Variants in LOC400499 observed in about 807,000 individuals in gnomAD.
the LOC400499 span, among the ~76,000 whole-genome samples, chr16:11,417,434 T>C: frequency 5.3e-5 from 8 of 152,062 alleles, no homozygotes; most frequent in Admixed American, 2.0e-4. Flanking sequence ...GACTTTGTTG[T>C]GGAAGTCCTA....
chr16:11,431,079 C>A, the LOC400499 span: 54 of 399,072 alleles, frequency 1.4e-4, no homozygotes, highest in Non-Finnish European at 2.1e-4. Context: ...CTGTGAGTGT[C>A]AGGAGGCGGG....
the LOC400499 span, chr16:11,456,875 G>C: frequency 3.3e-6 from 5 of 1,536,108 alleles, no homozygotes; most frequent in South Asian, 1.2e-5. Context: ...ACTTCCACAG[G>C]GTGGCCCGAG....
the LOC400499 span, among the ~76,000 whole-genome samples, chr16:11,524,415 C>G: frequency 7.0e-6 from 1 of 142,876 alleles, no homozygotes; most frequent in Admixed American, 7.1e-5. Context: ...CAGGTGCACA[C>G]AGCTGGCTAA....
chr16:11,390,004 TG>T, the LOC400499 span: 1 of 694,870 alleles, frequency 1.4e-6, no homozygotes, highest in Non-Finnish European at 2.0e-6. Context: ...CTGGGCAGGG[TG>T]GTCACAGGAG....
chr16:11,496,491 G>A, the LOC400499 span, among the ~76,000 whole-genome samples: 8 of 152,230 alleles, frequency 5.3e-5, no homozygotes, highest in African/African-American at 1.7e-4. Context: ...ATTGGTGTGT[G>A]CTGTAGAATC....
At chr16:11,407,124 T>G in the LOC400499 span, 15 of 397,884 alleles carry the variant, frequency 3.8e-5, no homozygotes, top group South Asian at 1.6e-3. Context: ...ACTAGGACAA[T>G]TTTTCTTTTC....
the LOC400499 span, chr16:11,372,804 C>G: frequency 4.0e-6 from 3 of 754,586 alleles, no homozygotes; most frequent in East Asian, 3.8e-4. Context: ...CCTGCTGTTT[C>G]CTGAAATAAA....
chr16:11,388,722 C>T, the LOC400499 span, among the ~76,000 whole-genome samples: 5 of 152,180 alleles, frequency 3.3e-5, no homozygotes, highest in East Asian at 3.9e-4. Flanking sequence ...CCCACCTACC[C>T]GCCTCCCCAG....
At chr16:11,475,467 T>A in the LOC400499 span, among the ~76,000 whole-genome samples, 1 of 152,244 alleles carries the variant, frequency 6.6e-6, no homozygotes, top group Non-Finnish European at 1.5e-5. Context: ...AAAGTAGATG[T>A]CTAAATTGAT....
the LOC400499 span, among the ~76,000 whole-genome samples, chr16:11,409,905 T>C: frequency 1.2e-4 from 18 of 152,336 alleles, no homozygotes; most frequent in Non-Finnish European, 1.8e-4. Flanking sequence ...ATATTAACAA[T>C]TGGTCAATGT....
At chr16:11,436,958 C>T in the LOC400499 span, among the ~76,000 whole-genome samples, 2 of 152,022 alleles carry the variant, frequency 1.3e-5, no homozygotes, top group Non-Finnish European at 2.9e-5. Context: ...ACATGATACA[C>T]CCAGACAATG....
the LOC400499 span, among the ~76,000 whole-genome samples, chr16:11,377,075 T>C: frequency 6.6e-6 from 1 of 152,012 alleles, no homozygotes; most frequent in South Asian, 2.1e-4. Flanking sequence ...TGCCTCAGCC[T>C]CCCAAGTAGC....
chr16:11,425,045 G>A, the LOC400499 span: 3 of 398,146 alleles, frequency 7.5e-6, no homozygotes, highest in Non-Finnish European at 1.3e-5. Context: ...GGGGGTTGGA[G>A]GCTCATTTAT....
the LOC400499 span, among the ~76,000 whole-genome samples, chr16:11,436,580 GT>G: frequency 1.7e-3 from 243 of 146,090 alleles, 2 homozygotes; most frequent in Admixed American, 7.3e-3. Flanking sequence ...CACAGGAAAA[GT>G]TTTTTTTTTT....
the LOC400499 span, among the ~76,000 whole-genome samples, chr16:11,423,495 CCA>C: frequency 6.6e-6 from 1 of 152,212 alleles, no homozygotes; most frequent in African/African-American, 2.4e-5. Flanking sequence ...GCTAACTGAA[CCA>C]CAGAGTAACC....
the LOC400499 span, among the ~76,000 whole-genome samples, chr16:11,445,080 C>T: frequency 3.8e-5 from 4 of 106,428 alleles, no homozygotes; most frequent in African/African-American, 3.8e-5. Context: ...CAGAGTGAGA[C>T]TTTGTCTTTA....
chr16:11,400,893 G>C, the LOC400499 span, among the ~76,000 whole-genome samples: 5 of 152,080 alleles, frequency 3.3e-5, no homozygotes, highest in African/African-American at 9.7e-5. Context: ...TCAGAGAGGC[G>C]ATAGGACACA....
the LOC400499 span, among the ~76,000 whole-genome samples, chr16:11,407,669 A>G: frequency 6.6e-6 from 1 of 152,216 alleles, no homozygotes; most frequent in African/African-American, 2.4e-5. Context: ...AGTCTAGCAG[A>G]AAGAATTATG....
At chr16:11,439,372 TC>T in the LOC400499 span, 5 of 396,560 alleles carry the variant, frequency 1.3e-5, no homozygotes, top group African/African-American at 8.2e-5. Context: ...AAGTGTGGGC[TC>T]CCTCCCTCGG....
Sources: allele counts gnomAD v4.1 joint callset (sites outside exome capture counted in the v4.1 genomes callset), GRCh38; gene constraint gnomAD v4.1.1; transcripts MANE v1.5.